The following EHMT1 variants were observed in gnomAD, a reference collection of about 807,000 sequenced individuals.
EHMT1 encodes the protein histone-lysine N-methyltransferase EHMT1.
A neutral mutation model predicts 147.2 loss-of-function variants in EHMT1; 15 were observed. The observed-to-expected ratio is 0.10, with a 90% CI of 0.07 to 0.16. The LOEUF (loss-of-function observed/expected upper bound fraction) is 0.16. Among genes scored for constraint, EHMT1 ranks in the 10% least tolerant of loss-of-function variants. The probability of loss-of-function intolerance (pLI) is 1.00; values close to 1 mark genes in which losing one functional copy is unlikely to be tolerated. For synonymous variants in EHMT1, 795 were observed against 709.6 expected (o/e 1.12, Z -1.91); for missense variants, 1,587 against 1,772.4 (o/e 0.90, Z 1.88).
Position 137,687,674 on chromosome 9 carries a change from G to A in EHMT1, c.22-23293G>A, listed in dbSNP as rs188784196. ...CTTGGGAGAGACTCCTACCCGTCAC[G>A]CGAGGACACGGCAAGAAGATGGCAG... On this transcript the variant is annotated intron_variant, in intron 1 of 26. Transcript: ENST00000460843. 5.6e-4 allele frequency among the ~76,000 whole-genome samples: 85 copies of A among 152,308 alleles called. 1 individual carries two copies. Among genetic ancestry groups the A allele is most frequent in the Middle Eastern group, 3.4e-3 (1 of 294 alleles).
At chr9:137,814,150 G>A (rs1954737886) in intron 21 of EHMT1, 9 of 487,212 alleles carry the variant, frequency 1.8e-5, no homozygotes, top group Admixed American at 1.7e-4. Context: ...TGCAGCCGCC[G>A]CCCAGCCCTT....
At chr9:137,761,463 GTTT>G (rs959806665) in intron 9 of EHMT1, among the ~76,000 whole-genome samples, 5 of 151,242 alleles carry the variant, frequency 3.3e-5, no homozygotes, top group Non-Finnish European at 7.4e-5. Context: ...AAGAGTTAAT[GTTT>G]TTTTTTGAGA....
At chr9:137,809,733 C>T (rs1182101187) in intron 18 of EHMT1, among the ~76,000 whole-genome samples, 1 of 152,252 alleles carries the variant, frequency 6.6e-6, no homozygotes, top group Non-Finnish European at 1.5e-5. Context: ...AAATGAAAAG[C>T]ACTAAAATAT....
At chr9:137,798,117 G>A (rs1032650721) in intron 16 of EHMT1, among the ~76,000 whole-genome samples, 9 of 152,238 alleles carry the variant, frequency 5.9e-5, no homozygotes, top group Admixed American at 5.9e-4. Context: ...GCTCATGCCT[G>A]TAATCCCAGC....
chr9:137,811,959 G>A (rs1349037096), intron 19 of EHMT1, among the ~76,000 whole-genome samples: 2 of 152,196 alleles, frequency 1.3e-5, no homozygotes, highest in African/African-American at 4.8e-5. Flanking sequence ...AGAGGCTCAG[G>A]GTGCCTTCTG....
chr9:137,734,062 T>A (rs1371914142), intron 4 of EHMT1, among the ~76,000 whole-genome samples: 1 of 152,126 alleles, frequency 6.6e-6, no homozygotes, highest in Non-Finnish European at 1.5e-5. Context: ...GATTCAAATG[T>A]CCAGTTTTCA....
chr9:137,802,810 G>A, intron 18 of EHMT1: 1 of 1,231,830 alleles, frequency 8.1e-7, no homozygotes, highest in Non-Finnish European at 1.0e-6. Context: ...CTGTATCCAG[G>A]GGGTTTCTAC....
chr9:137,754,265 G>T lies in EHMT1; in HGVS notation c.1343G>T (p.Ser448Ile), dbSNP rs1404686803. 6.2e-7 allele frequency: 1 copy of T among 1,614,154 alleles called. No homozygotes were observed. ...CCAGCCAGGAAAAGGAGGCGGAGAA[G>T]TAGAAAGAAGCCCAGCGGTGCCCTC... ...IKPARKRRRR[S>I]RKKPSGALGS... Residue 448 changes from serine to isoleucine, a missense_variant, in exon 8 of 27, where the codon AGT becomes ATT. Ser to Ile is a moderately radical substitution (Grantham distance 142). Around this residue, in one of 7 missense-constraint regions of EHMT1, gnomAD observed 810 missense variants for 673.0 expected, o/e 1.20. Transcript: ENST00000460843.
At chr9:137,749,587 A>AT (rs1256073656) in intron 6 of EHMT1, among the ~76,000 whole-genome samples, 3 of 152,154 alleles carry the variant, frequency 2.0e-5, no homozygotes, top group African/African-American at 7.2e-5. Context: ...GGTATGAGCC[A>AT]TGGCGCCCAG....
chr9:137,747,053 C>T (rs576068159), intron 6 of EHMT1: 4 of 152,302 alleles, frequency 2.6e-5, no homozygotes, highest in East Asian at 1.9e-4. Context: ...AGTTTCGTTA[C>T]GTAAGTGGCT....
chr9:137,628,067 C>G (rs1843382646), intron 1 of EHMT1, among the ~76,000 whole-genome samples: 1 of 152,144 alleles, frequency 6.6e-6, no homozygotes, highest in South Asian at 2.1e-4. Context: ...CTACAGAAGA[C>G]CAGTACTTGC....
rs372477392 is a variant in EHMT1 at position 137,833,045 on chromosome 9, C to T, written c.3541-1304C>T. 3.9e-5 allele frequency: 6 copies of T among 152,448 alleles called. No individual in the cohort carries two copies. In the East Asian group the frequency reaches 9.6e-4, roughly 24 times the overall value. 9.4% of individuals were successfully genotyped at this position (152,448 alleles called of 1,614,324 possible). On this transcript the variant is annotated intron_variant, in intron 25 of 26. Coordinates refer to ENST00000460843, the MANE Select transcript of EHMT1 (RefSeq NM_024757.5). Reference sequence around the variant, plus strand: ...GCTGGTCCTGTCCTGCGGCCGTGCTCGCCTGGTTTACTGTCTTGTCACTGC... The same window carrying T: ...GCTGGTCCTGTCCTGCGGCCGTGCTTGCCTGGTTTACTGTCTTGTCACTGC...
At chr9:137,705,346 C>A (rs896213264) in intron 1 of EHMT1, among the ~76,000 whole-genome samples, 1 of 152,118 alleles carries the variant, frequency 6.6e-6, no homozygotes, top group Admixed American at 6.5e-5. Context: ...CCTGAGTGTT[C>A]TTGAGTTTGG....
rs576731460 is a variant in EHMT1 at position 137,716,852 on chromosome 9, G to A, written c.312G>A (p.Ala104=). ...NGVSERDSEA[A]KQNHVTADDF... ...TTTCAGAAAGAGACTCAGAAGCGGC[G>A]AAGCAAAACCACGTCACTGCCGACG... The change falls in exon 3 of 27, where the codon GCG becomes GCA. Residue 104 remains alanine, a synonymous_variant. Coordinates refer to ENST00000460843, the MANE Select transcript of EHMT1 (RefSeq NM_024757.5). The A allele has an allele frequency of 1.2e-4, 189 of 1,613,298 alleles. 1 individual carries two copies. The highest frequency in any genetic ancestry group is 3.5e-4 in the South Asian group (32 of 91,090).
intron 1 of EHMT1, among the ~76,000 whole-genome samples, chr9:137,679,955 C>G (rs1941776911): frequency 6.6e-6 from 1 of 152,180 alleles, no homozygotes; most frequent in Non-Finnish European, 1.5e-5. Flanking sequence ...TGCTGATGGC[C>G]TTCTCCTCCC....
intron 1 of EHMT1, among the ~76,000 whole-genome samples, chr9:137,638,629 C>G (rs1232556905): frequency 2.6e-5 from 4 of 152,110 alleles, no homozygotes; most frequent in Non-Finnish European, 5.9e-5. Flanking sequence ...AGTCCTAAAC[C>G]CCATACTTCA....
chr9:137,741,011 G>A (rs1193859936), intron 4 of EHMT1, among the ~76,000 whole-genome samples: 1 of 131,996 alleles, frequency 7.6e-6, no homozygotes, highest in Admixed American at 7.4e-5. Flanking sequence ...GAGTCTCGCT[G>A]TGTTGCCCAG....
chr9:137,720,976 C>T (rs1467787905), intron 3 of EHMT1, among the ~76,000 whole-genome samples: 5 of 152,052 alleles, frequency 3.3e-5, no homozygotes, highest in Admixed American at 6.5e-5. Context: ...CGCCCACCGG[C>T]GATGTTGCAG....
intron 19 of EHMT1, among the ~76,000 whole-genome samples, 178 bp downstream of exon 19, chr9:137,811,793 C>T (rs972905985): frequency 1.3e-5 from 2 of 152,212 alleles, no homozygotes; most frequent in South Asian, 2.1e-4. Context: ...TCCCAGTCCA[C>T]GTTTGAGATC....
Sources: gnomAD v4.1 joint callset for allele counts (sites outside exome capture counted in the v4.1 genomes callset) on GRCh38, gnomAD v4.1.1 for gene constraint, gnomAD v4.1.1 regional missense constraint, MANE v1.5 for transcripts, NCBI Gene and HGNC (gene_info 2026-07-23, HGNC 2026-07-21) for gene names.